Variants in LRRC9 observed in about 807,000 individuals in gnomAD.
The protein encoded by LRRC9 is leucine rich repeat containing 9, also known as leucine-rich repeat-containing protein 9.
Under a neutral mutation model 63.2 loss-of-function variants are expected in LRRC9, and 122 were observed. The observed-to-expected ratio is 1.93, with a 90% CI of 1.67 to 2.24. The LOEUF (loss-of-function observed/expected upper bound fraction) is 2.24, where lower values mean the gene tolerates loss of function less well. Ranked by LOEUF, LRRC9 falls within the 30% of genes most tolerant of loss-of-function variation. The pLI is 0.00. For missense variants in LRRC9, 1,071 were observed against 627.7 expected, an observed-to-expected ratio of 1.71 and a Z score of -7.55; for synonymous variants, 366 against 213.1, an observed-to-expected ratio of 1.72 and a Z score of -6.25.
At chr14:59,977,628 AC>A (rs1301487514) in intron 14 of LRRC9, among the ~76,000 whole-genome samples, 1 of 151,578 alleles carries the variant, frequency 6.6e-6, no homozygotes, top group East Asian at 1.9e-4. Context: ...TTAAAAAAGC[AC>A]CCGACTTTTA....
In LRRC9 at chr14:60,053,744, G is replaced by T. The variant is rs112712884; in HGVS notation, c.4131+539G>T. 2.8e-6 allele frequency: 1 copy of T among 355,354 alleles called. No individual in the cohort carries two copies. Among genetic ancestry groups the T allele is most frequent in the Non-Finnish European group, 5.4e-6 (1 of 184,846 alleles). 22.0% of individuals were successfully genotyped at this position (355,354 alleles called of 1,614,324 possible). On this transcript the variant is annotated intron_variant, in intron 30 of 31. Transcript: ENST00000445360. The surrounding 1 kb of genome is among the most constrained non-coding windows in gnomAD (Gnocchi z 4.8). ...CCCTAAAATGTATCTGATCATGGTA[G>T]GAAAGAGATTAAAAAGGGAAGAAAT...
rs1881294220 is a variant in LRRC9, at chr14:59,938,500, A to G, written c.654A>G (p.Leu218=). Residue 218 remains leucine (L), a synonymous_variant, in exon 7 of 32, where the codon TTA becomes TTG. Transcript: ENST00000445360. The surrounding 1 kb of genome is among the most constrained non-coding windows in gnomAD (Gnocchi z 4.2). ...TGTGTAATTATTCCACACATGTATT[A>G]TATCATTTGCCTTGCCTTCAAAGAT... 5.7e-6 allele frequency: 4 copies of G among 697,800 alleles called. No homozygotes were observed. The South Asian group carries it at 6.0e-5, about 10-fold the overall frequency. The allele number at this position is 697,800 out of a possible 1,614,324, so 43.2% of individuals were successfully genotyped here. A position where few individuals can be genotyped will look rare whatever the true frequency, so the allele number is the denominator to read the frequency against.
At chr14:60,050,981 C>T (rs1893846109) in intron 29 of LRRC9, among the ~76,000 whole-genome samples, 1 of 152,164 alleles carries the variant, frequency 6.6e-6, no homozygotes, top group East Asian at 1.9e-4. Flanking sequence ...TGGTACTGAC[C>T]TGTTGCTGGC....
intron 8 of LRRC9, among the ~76,000 whole-genome samples, chr14:59,959,513 CTTA>C (rs1329432012): frequency 6.6e-6 from 1 of 152,062 alleles, no homozygotes; most frequent in Admixed American, 6.5e-5. Flanking sequence ...TAGAGGCGAA[CTTA>C]TTAAAAAGAT....
intron 29 of LRRC9, among the ~76,000 whole-genome samples, chr14:60,033,525 A>C (rs1475440238): frequency 6.6e-6 from 1 of 152,036 alleles, no homozygotes; most frequent in Non-Finnish European, 1.5e-5. Context: ...CTTTTCAGTA[A>C]TTGGTAATAT....
intron 6 of LRRC9, among the ~76,000 whole-genome samples, chr14:59,934,858 G>A (rs1419832240): frequency 6.6e-6 from 1 of 151,954 alleles, no homozygotes; most frequent in South Asian, 2.1e-4. Context: ...AAATCAATTA[G>A]AAACAAATAA....
At chr14:59,925,225 A>G (rs568802506) in intron 1 of LRRC9, among the ~76,000 whole-genome samples, 21 of 152,106 alleles carry the variant, frequency 1.4e-4, no homozygotes, top group Admixed American at 2.6e-4. Context: ...GTCTTCGTCC[A>G]TTTTGTGCTG....
chr14:59,977,285 C>A (rs1224761124), exon 14 of LRRC9: 2 of 700,930 alleles, frequency 2.9e-6, no homozygotes, highest in East Asian at 5.4e-5. Flanking sequence ...GAAAAAGAAT[C>A]CATCAGTCAA....
At chr14:59,991,432 C>T (rs1292973284) in intron 17 of LRRC9, among the ~76,000 whole-genome samples, 1 of 152,104 alleles carries the variant, frequency 6.6e-6, no homozygotes, top group African/African-American at 2.4e-5. Context: ...AGCTGAGGTA[C>T]TGGGTTCATC....
chr14:60,000,425 C>T (rs1445830448), intron 19 of LRRC9, among the ~76,000 whole-genome samples: 2 of 152,020 alleles, frequency 1.3e-5, no homozygotes, highest in Non-Finnish European at 2.9e-5. Context: ...TGCACATGTA[C>T]CCCCTGAATC....
intron 6 of LRRC9, among the ~76,000 whole-genome samples, chr14:59,933,746 A>G (rs1237150494): frequency 2.6e-5 from 4 of 152,166 alleles, no homozygotes; most frequent in African/African-American, 7.2e-5. Context: ...TTGAACAAGC[A>G]TTGGTGGGAG....
At chr14:60,034,015 C>CT (rs1157239003) in intron 29 of LRRC9, among the ~76,000 whole-genome samples, 3,333 of 116,140 alleles carry the variant, frequency 0.029, 297 homozygotes, top group African/African-American at 0.092. Context: ...TTTTTTCTTT[C>CT]TTTTTTTTTT....
intron 8 of LRRC9, among the ~76,000 whole-genome samples, chr14:59,951,785 G>T (rs1883153995): frequency 6.6e-6 from 1 of 152,130 alleles, no homozygotes; most frequent in South Asian, 2.1e-4. Flanking sequence ...CCCCTGCTGG[G>T]GGGTAGGCCT....
chr14:59,921,063 A>G (rs552578061), intron 1 of LRRC9, among the ~76,000 whole-genome samples: 2 of 152,308 alleles, frequency 1.3e-5, no homozygotes, highest in Admixed American at 1.3e-4. Context: ...ACCAGAGAGA[A>G]TGAAAGTCTT....
At chr14:60,035,091 G>A (rs1489045210) in intron 29 of LRRC9, among the ~76,000 whole-genome samples, 1 of 123,572 alleles carries the variant, frequency 8.1e-6, no homozygotes, top group Non-Finnish European at 1.8e-5. Context: ...CTGATTATTA[G>A]TGACTTTGAG....
At chr14:60,039,124 G>T (rs937683512) in intron 29 of LRRC9, among the ~76,000 whole-genome samples, 4 of 152,150 alleles carry the variant, frequency 2.6e-5, no homozygotes, top group African/African-American at 9.7e-5. Flanking sequence ...CGACTTAATC[G>T]TGGTGGATAA....
At position 59,931,020 on chromosome 14, in the gene LRRC9, G is replaced by T. The variant is rs1033751178; in HGVS notation, c.370G>T (p.Val124Phe). ...TTTAGAGAAATTAATCAAATTGAAGGTTCTTTGGCTGAACCACAATACAAT... is the reference window on the plus strand; with the variant it reads ...TTTAGAGAAATTAATCAAATTGAAGTTTCTTTGGCTGAACCACAATACAAT... The change falls in exon 4 of 32, where the codon GTT becomes TTT. Residue 124 changes from valine (V) to phenylalanine (F), a missense_variant. Transcript: ENST00000445360. The T allele has an allele frequency of 1.4e-5, 6 of 426,602 alleles. No homozygotes were observed. In the East Asian group the frequency reaches 1.9e-4, roughly 13 times the overall value. The allele number at this position is 426,602 out of a possible 1,614,324, so 26.4% of individuals were successfully genotyped here. A position where few individuals can be genotyped will look rare whatever the true frequency, so the allele number is the denominator to read the frequency against.
intron 7 of LRRC9, among the ~76,000 whole-genome samples, chr14:59,940,970 T>C (rs534211358): frequency 1.3e-4 from 20 of 152,192 alleles, no homozygotes; most frequent in East Asian, 9.6e-4. Flanking sequence ...GCAAGTTGCA[T>C]GTGGTCAGCC....
chr14:59,977,786 T>C (rs1227113304), intron 14 of LRRC9, among the ~76,000 whole-genome samples: 1 of 152,006 alleles, frequency 6.6e-6, no homozygotes, highest in Non-Finnish European at 1.5e-5. Context: ...TTAAAAAGTA[T>C]TTATATAATT....
Sources: gnomAD v4.1 joint callset for allele counts (sites outside exome capture counted in the v4.1 genomes callset) on GRCh38, gnomAD v4.1.1 for gene constraint, Gnocchi (gnomAD v3.1) non-coding constraint, MANE v1.5 for transcripts, NCBI Gene and HGNC (gene_info 2026-07-23, HGNC 2026-07-21) for gene names.